Variants in GLIS3 observed in about 807,000 individuals in gnomAD.
The protein encoded by GLIS3 is GLIS family zinc finger 3.
A neutral mutation model predicts 78.6 loss-of-function variants in GLIS3; 53 were observed. The ratio of observed to expected loss-of-function variants is 0.67; its 90% CI spans 0.54 to 0.85. GLIS3 has a LOEUF of 0.85. GLIS3 is among the 40% of genes least tolerant of loss of function. The pLI is 0.00. For synonymous variants in GLIS3, 684 were observed against 509.9 expected, an observed-to-expected ratio of 1.34 and a Z score of -4.60; for missense variants, 1,703 against 1,231.1, an observed-to-expected ratio of 1.38 and a Z score of -5.74.
intron 1 of GLIS3, among the ~76,000 whole-genome samples, chr9:4,299,018 A>C (rs189774571): frequency 3.0e-4 from 46 of 152,184 alleles, no homozygotes; most frequent in African/African-American, 1.1e-3. Context: ...GGGACTCCAG[A>C]GTGGTGCGCC....
rs532164420 is a variant in GLIS3, at chr9:3,832,254, A to C, written c.2474-2762T>G. ...AATTACATAGTATATATGTTTGCTA[A>C]ATAAAAAATAAAATTATTTTATAAT... On this transcript the variant is annotated intron_variant, in intron 9 of 10. Coordinates refer to ENST00000381971, the MANE Select transcript of GLIS3 (RefSeq NM_001042413.2). Among the ~76,000 whole-genome samples, 57 of 150,942 alleles carry C rather than the reference A, an allele frequency of 3.8e-4. 3 individuals carry two copies. Among genetic ancestry groups the C allele is most frequent in the Non-Finnish European group, 1.2e-4 (8 of 67,774 alleles).
rs58794068 is a variant in GLIS3, at chr9:4,319,983, TTGTGTGTGTGTGTGTG to T, written n.265-9471_265-9456del. Among the ~76,000 whole-genome samples, 722 of 145,176 alleles carry T rather than the reference TTGTGTGTGTGTGTGTG, an allele frequency of 5.0e-3. 10 individuals carry two copies. Among genetic ancestry groups the T allele is most frequent in the African/African-American group, 0.015 (600 of 39,658 alleles). Reference sequence around the variant, plus strand: ...CCTTACAGTAGGTTAGTAGAGGGGGTTGTGTGTGTGTGTGTGTGTGTGTGTGTGTGTGTGTGTGTGT... The same window carrying T: ...CCTTACAGTAGGTTAGTAGAGGGGGTTGTGTGTGTGTGTGTGTGTGTGTGT... On this transcript the variant is annotated intron_variant and non_coding_transcript_variant, in intron 2 of 4. Coordinates refer to the GLIS3 transcript ENST00000471664.
intron 2 of GLIS3, among the ~76,000 whole-genome samples, chr9:4,206,045 G>C (rs1438794722): frequency 6.6e-6 from 1 of 152,132 alleles, no homozygotes; most frequent in Non-Finnish European, 1.5e-5. Flanking sequence ...AACTGATCTA[G>C]AAGAGAAGAG....
intron 2 of GLIS3, among the ~76,000 whole-genome samples, chr9:4,324,098 A>C (rs1817571371): frequency 6.6e-6 from 1 of 152,164 alleles, no homozygotes; most frequent in African/African-American, 2.4e-5. Flanking sequence ...TGCCATCTCA[A>C]CCCTATGTAA....
chr9:4,340,492 C>T (rs1817818877), intron 2 of GLIS3, among the ~76,000 whole-genome samples: 1 of 152,110 alleles, frequency 6.6e-6, no homozygotes, highest in African/African-American at 2.4e-5. Context: ...CAGGATGCAT[C>T]CTCCATCCCT....
the GLIS3 span, among the ~76,000 whole-genome samples, chr9:4,353,962 G>T: frequency 1.3e-5 from 2 of 151,542 alleles, no homozygotes; most frequent in African/African-American, 4.9e-5. Flanking sequence ...CCAGCAGCTG[G>T]GACTACAGGA....
chr9:4,207,771 G>A (rs1820011496), intron 2 of GLIS3, among the ~76,000 whole-genome samples: 1 of 152,154 alleles, frequency 6.6e-6, no homozygotes, highest in South Asian at 2.1e-4. Context: ...CAGGCAGCCT[G>A]GCCCTGGGCT....
intron 2 of GLIS3, among the ~76,000 whole-genome samples, chr9:4,313,405 C>A (rs1817394047): frequency 6.6e-6 from 1 of 152,206 alleles, no homozygotes; most frequent in Non-Finnish European, 1.5e-5. Context: ...CTGGATGTTT[C>A]TGGCATCAGC....
intron 6 of GLIS3, among the ~76,000 whole-genome samples, chr9:3,922,302 T>G: frequency 6.6e-6 from 1 of 152,206 alleles, no homozygotes. Context: ...ATAATATGAT[T>G]GCATATGACA....
intron 2 of GLIS3, among the ~76,000 whole-genome samples, chr9:4,339,633 T>C (rs897641307): frequency 6.7e-6 from 1 of 149,328 alleles, no homozygotes; most frequent in Admixed American, 6.7e-5. Flanking sequence ...GTAAAGCTAA[T>C]CAGACTTTTC....
chr9:4,408,648 A>G, the GLIS3 span, among the ~76,000 whole-genome samples: 4 of 138,554 alleles, frequency 2.9e-5, no homozygotes, highest in East Asian at 8.5e-4. Flanking sequence ...AATGGCGTGA[A>G]CCCGGGAGGC....
intron 4 of GLIS3, among the ~76,000 whole-genome samples, chr9:4,038,756 C>T (rs1312149013): frequency 6.6e-6 from 1 of 152,188 alleles, no homozygotes; most frequent in Admixed American, 6.5e-5. Flanking sequence ...TCAAAGTTTA[C>T]ATCTGTACAG....
chr9:4,086,621 T>C (rs1348182357), intron 4 of GLIS3, among the ~76,000 whole-genome samples: 2 of 152,196 alleles, frequency 1.3e-5, no homozygotes, highest in Non-Finnish European at 2.9e-5. Flanking sequence ...GATGACGGAA[T>C]GTGTTAAGAG....
At chr9:4,330,247 C>T (rs1403163292) in intron 2 of GLIS3, among the ~76,000 whole-genome samples, 3 of 152,180 alleles carry the variant, frequency 2.0e-5, no homozygotes, top group Non-Finnish European at 2.9e-5. Flanking sequence ...AAGGTGTAGA[C>T]AAATTGTTCC....
intron 3 of GLIS3, chr9:4,123,937 C>T: frequency 2.5e-6 from 1 of 393,258 alleles, no homozygotes; most frequent in Non-Finnish European, 4.5e-6. Context: ...GTTCATGCCC[C>T]CTTTTCCACT....
the GLIS3 span, among the ~76,000 whole-genome samples, chr9:4,472,236 A>G: frequency 6.0e-3 from 909 of 152,300 alleles, 6 homozygotes; most frequent in Non-Finnish European, 9.9e-3. Flanking sequence ...ATACCATTTG[A>G]CCCAGCCATC....
At chr9:4,190,939 C>T (rs1818276010) in intron 2 of GLIS3, among the ~76,000 whole-genome samples, 1 of 152,034 alleles carries the variant, frequency 6.6e-6, no homozygotes, top group Admixed American at 6.6e-5. Flanking sequence ...AACTAAGCTT[C>T]ATAAGTGAAG....
chr9:4,125,521 G>C (rs1272013810), intron 3 of GLIS3, among the ~76,000 whole-genome samples: 2 of 152,018 alleles, frequency 1.3e-5, no homozygotes, highest in African/African-American at 4.8e-5. Context: ...CAAGACAGTA[G>C]GTATTAAAGC....
intron 2 of GLIS3, among the ~76,000 whole-genome samples, chr9:4,254,027 A>T (rs1824669364): frequency 6.6e-6 from 1 of 152,112 alleles, no homozygotes; most frequent in African/African-American, 2.4e-5. Context: ...GGAGCTGCAG[A>T]CCTGAGTTGT....
Sources: allele counts gnomAD v4.1 joint callset (sites outside exome capture counted in the v4.1 genomes callset), GRCh38; gene constraint gnomAD v4.1.1; transcripts MANE v1.5; gene names NCBI Gene and HGNC (gene_info 2026-07-23, HGNC 2026-07-21).